FAAH2: variants seen among roughly 807,000 people sequenced by gnomAD.
FAAH2 encodes the protein fatty acid amide hydrolase 2.
FAAH2 carries 60 observed loss-of-function variants against 36.9 expected under a neutral mutation model. The ratio of observed to expected loss-of-function variants is 1.63; its 90% confidence interval spans 1.32 to 2.02. The LOEUF (loss-of-function observed/expected upper bound fraction) is 2.02. FAAH2 is among the 30% of genes most tolerant of loss of function. FAAH2 has a pLI of 0.00. For synonymous variants in FAAH2, 214 were observed against 143.8 expected, an observed-to-expected ratio of 1.49 and a Z score of -3.49; for missense variants, 689 against 397.5, an observed-to-expected ratio of 1.73 and a Z score of -6.23.
intron 1 of FAAH2, among the ~76,000 whole-genome samples, chrX:57,290,976 A>T (rs1319817244): frequency 8.9e-6 from 1 of 112,072 alleles, no homozygotes; most frequent in African/African-American, 3.2e-5. Flanking sequence ...ATATTTCTGG[A>T]TATGATAATT....
intron 10 of FAAH2, among the ~76,000 whole-genome samples, chrX:57,456,931 A>G (rs2056873693): frequency 8.9e-6 from 1 of 111,787 alleles, no homozygotes; most frequent in Non-Finnish European, 1.9e-5. Context: ...CTTCTCCCTA[A>G]TGCATTCTAT....
the FAAH2 span, among the ~76,000 whole-genome samples, chrX:57,141,218 A>G: frequency 1.8e-5 from 2 of 111,333 alleles, no homozygotes; most frequent in East Asian, 5.7e-4. Context: ...ACTTTATTCT[A>G]TTTATGTGAT....
chrX:57,229,889 G>T, the FAAH2 span, among the ~76,000 whole-genome samples: 263 of 110,990 alleles, frequency 2.4e-3, 1 homozygote, highest in Middle Eastern at 4.6e-3. Flanking sequence ...TTTTATCCTG[G>T]GTGATTTCAA....
chrX:57,254,718 G>A, the FAAH2 span, among the ~76,000 whole-genome samples: 1 of 111,685 alleles, frequency 9.0e-6, no homozygotes, highest in Non-Finnish European at 1.9e-5. Context: ...GAAGTTCTTT[G>A]AAACCAATGA....
Position 57,413,489 on chromosome X carries a change from C to T in FAAH2, c.997-18429C>T, listed in dbSNP as rs985465754. Among the ~76,000 whole-genome samples, 10 of 111,728 alleles carry T rather than the reference C, an allele frequency of 9.0e-5. No individual in the cohort carries two copies. The Admixed American group carries it at 9.5e-4, about 11-fold the overall frequency. On this transcript the variant is annotated intron_variant, in intron 7 of 10. Transcript: ENST00000374900. ...ATTTATTTAATAGGGAATCCTTTCC[C>T]CATTGCTTGTGTCAGGTTTGTCGAA...
chrX:57,233,596 G>T, the FAAH2 span, among the ~76,000 whole-genome samples: 19 of 111,580 alleles, frequency 1.7e-4, no homozygotes, highest in African/African-American at 5.5e-4. Flanking sequence ...ACATTGGATG[G>T]AGTCCTTTTG....
rs768687139 is a variant in FAAH2, at chrX:57,448,528, G to C, written c.1233G>C (p.Leu411=). 4 of 1,206,692 alleles carry C rather than the reference G, an allele frequency of 3.3e-6. No individual in the cohort carries two copies. Among genetic ancestry groups the C allele is most frequent in the Non-Finnish European group, 4.5e-6 (4 of 893,483 alleles). Residue 411 remains leucine, a synonymous_variant, in exon 10 of 11, where the codon CTG becomes CTC. Coordinates refer to ENST00000374900, the MANE Select transcript of FAAH2 (RefSeq NM_174912.4). ...ATATATGATATCATTCTGTAGGACT[G>C]GCTTTGTTGGAAGAAAAGCTCAGAT... ...LSVYTIPSIG[L]ALLEEKLRYS...
intron 5 of FAAH2, among the ~76,000 whole-genome samples, chrX:57,346,158 G>T (rs780229210): frequency 5.4e-5 from 6 of 110,884 alleles, no homozygotes; most frequent in Non-Finnish European, 9.5e-5. Context: ...AAATGTTAAG[G>T]TTATATCCTT....
the FAAH2 span, among the ~76,000 whole-genome samples, chrX:57,187,904 G>A: frequency 9.0e-6 from 1 of 111,694 alleles, no homozygotes; most frequent in Non-Finnish European, 1.9e-5. Context: ...GCATCTCAAG[G>A]ATGAAGCCGA....
At chrX:57,383,011 G>C (rs1055143999) in intron 7 of FAAH2, among the ~76,000 whole-genome samples, 1 of 111,088 alleles carries the variant, frequency 9.0e-6, no homozygotes, top group African/African-American at 3.3e-5. Flanking sequence ...GGGATGCAAG[G>C]CTGGTTTAAC....
the FAAH2 span, among the ~76,000 whole-genome samples, chrX:57,195,109 C>G: frequency 2.7e-5 from 3 of 111,215 alleles, no homozygotes; most frequent in Admixed American, 9.6e-5. Context: ...TGACTTCTTT[C>G]TCTCTTGGTA....
the FAAH2 span, among the ~76,000 whole-genome samples, chrX:57,276,099 C>A: frequency 1.8e-5 from 2 of 111,949 alleles, no homozygotes; most frequent in African/African-American, 6.5e-5. Context: ...GAACTCTCCA[C>A]CCCAAATCAA....
At chrX:57,124,275 T>G in the FAAH2 span, among the ~76,000 whole-genome samples, 43 of 111,677 alleles carry the variant, frequency 3.9e-4, no homozygotes, top group Non-Finnish European at 7.2e-4. Context: ...TTTCCCCATT[T>G]CTTGTTTTTG....
the FAAH2 span, among the ~76,000 whole-genome samples, chrX:57,241,474 G>A: frequency 8.9e-6 from 1 of 111,903 alleles, no homozygotes; most frequent in South Asian, 3.7e-4. Flanking sequence ...ATTAAAAAGT[G>A]GGCAAAAGAC....
intron 5 of FAAH2, among the ~76,000 whole-genome samples, chrX:57,375,408 T>C (rs936635146): frequency 5.2e-4 from 55 of 105,138 alleles, no homozygotes; most frequent in African/African-American, 1.8e-3. Context: ...TCTCTCCTTG[T>C]TATTGGTCTG....
chrX:57,471,125 T>G (rs1299667285), intron 10 of FAAH2, among the ~76,000 whole-genome samples: 1 of 111,409 alleles, frequency 9.0e-6, no homozygotes, highest in Non-Finnish European at 1.9e-5. Flanking sequence ...TATAACAAAC[T>G]CACAGCCAAT....
At chrX:57,423,613 T>C (rs1020710220) in intron 7 of FAAH2, among the ~76,000 whole-genome samples, 2 of 111,669 alleles carry the variant, frequency 1.8e-5, no homozygotes, top group African/African-American at 6.5e-5. Context: ...CCTTTCTTCA[T>C]GCATGCTCTT....
chrX:57,349,106 G>GTGTATAATATATACACATATATATAATA (rs1569280705), intron 5 of FAAH2, among the ~76,000 whole-genome samples: 16 of 92,101 alleles, frequency 1.7e-4, no homozygotes, highest in Admixed American at 1.6e-3. Context: ...TATATATAAT[G>GTGTATAATATATACACATATATATAATA]TATATGTGTA....
chrX:57,438,039 A>C (rs1258278163), intron 8 of FAAH2, among the ~76,000 whole-genome samples: 1 of 104,162 alleles, frequency 9.6e-6, no homozygotes, highest in Admixed American at 1.1e-4. Context: ...ACATATGTAT[A>C]TATATACACA....
Sources: gnomAD v4.1 joint callset for allele counts (sites outside exome capture counted in the v4.1 genomes callset) on GRCh38, gnomAD v4.1.1 for gene constraint, MANE v1.5 for transcripts, NCBI Gene and HGNC (gene_info 2026-07-23, HGNC 2026-07-21) for gene names.